The following PAPPA2 variants were observed in gnomAD, a reference collection of about 807,000 sequenced individuals.
PAPPA2 encodes the protein pappalysin 2.
Under a neutral mutation model 176.4 loss-of-function variants are expected in PAPPA2, and 86 were observed. The ratio of observed to expected loss-of-function variants is 0.49; its 90% CI spans 0.41 to 0.58. The LOEUF is 0.58. Ranked by LOEUF, PAPPA2 falls within the 20% of genes least tolerant of loss-of-function variation. The pLI is 0.00. For missense variants in PAPPA2, 2,073 were observed against 2,256.9 expected (o/e 0.92, Z 1.65); for synonymous variants, 809 against 852.2 (o/e 0.95, Z 0.88).
chr1:176,779,386 A>T (rs1000315455), intron 17 of PAPPA2, among the ~76,000 whole-genome samples: 6 of 151,614 alleles, frequency 4.0e-5, no homozygotes, highest in African/African-American at 1.2e-4. Flanking sequence ...TGATTCATAA[A>T]CTGTCTCCTG....
intron 1 of PAPPA2, chr1:176,553,523 A>C (rs1651091109): frequency 6.6e-6 from 1 of 152,028 alleles, no homozygotes; most frequent in South Asian, 2.1e-4. Context: ...GAGCTGAAGG[A>C]GAGTGGTGAG....
intron 2 of PAPPA2, among the ~76,000 whole-genome samples, chr1:176,561,903 A>G (rs1470516426): frequency 6.6e-6 from 1 of 152,210 alleles, no homozygotes; most frequent in Non-Finnish European, 1.5e-5. Context: ...AATGAGGAGG[A>G]AAGTCATGTC....
intron 2 of PAPPA2, among the ~76,000 whole-genome samples, chr1:176,557,715 C>T (rs1401380594): frequency 6.6e-6 from 1 of 152,292 alleles, no homozygotes; most frequent in Non-Finnish European, 1.5e-5. Context: ...ACACAGCCGT[C>T]AGGTCCTGCC....
chr1:176,739,822 AG>A, intron 13 of PAPPA2, 61 bp downstream of exon 13: 1 of 1,593,802 alleles, frequency 6.3e-7, no homozygotes, highest in Non-Finnish European at 8.6e-7. Flanking sequence ...CCCAGAAGTC[AG>A]CTTGATGTCT....
chr1:176,627,464 G>A (rs1656097240), intron 3 of PAPPA2, among the ~76,000 whole-genome samples: 1 of 152,122 alleles, frequency 6.6e-6, no homozygotes, highest in South Asian at 2.1e-4. Context: ...ACTAGACCTA[G>A]GTCTCTTAGT....
At position 176,595,405 on chromosome 1, in the gene PAPPA2, G is replaced by A. The variant is rs373063349; in HGVS notation, c.1801G>A (p.Glu601Lys). 4 of 1,614,190 alleles carry A rather than the reference G, an allele frequency of 2.5e-6. No individual in the cohort carries two copies. Among genetic ancestry groups the A allele is most frequent in the East Asian group, 4.5e-5 (2 of 44,870 alleles). The change falls in exon 3 of 23, where the codon GAG becomes AAG. Residue 601 changes from glutamate to lysine, a missense_variant. Glu to Lys is a moderately conservative substitution (Grantham distance 56). Transcript: ENST00000367662. ...CAATGACCATTGTGACCCCGAGTGT[G>A]AGCACCCACTCACAGGCTATGATGG... ...IGNDHCDPEC[E>K]HPLTGYDGGD...
intron 21 of PAPPA2, among the ~76,000 whole-genome samples, chr1:176,803,434 A>G (rs1313098093): frequency 6.6e-6 from 1 of 152,180 alleles, no homozygotes; most frequent in Non-Finnish European, 1.5e-5. Context: ...TAAACTGAGG[A>G]TGTGAAAAAG....
At chr1:176,789,676 TG>T in intron 17 of PAPPA2, 132 bp from the exon 18 acceptor site, 1 of 897,324 alleles carries the variant, frequency 1.1e-6, no homozygotes, top group Non-Finnish European at 1.7e-6. Context: ...CCTAGGACAG[TG>T]GGACATATGG....
chr1:176,692,539 C>G (rs1036352614), intron 6 of PAPPA2, among the ~76,000 whole-genome samples: 2 of 152,252 alleles, frequency 1.3e-5, no homozygotes, highest in South Asian at 2.1e-4. Context: ...TCACTCCCCC[C>G]TCAGGGAGGC....
chr1:176,521,651 C>A (rs574693436), intron 1 of PAPPA2, among the ~76,000 whole-genome samples: 3 of 152,124 alleles, frequency 2.0e-5, no homozygotes, highest in African/African-American at 4.8e-5. Context: ...GTTTAACTGA[C>A]GTGCAGCTTT....
chr1:176,531,137 A>G (rs1649784026), intron 1 of PAPPA2, among the ~76,000 whole-genome samples: 1 of 152,200 alleles, frequency 6.6e-6, no homozygotes, highest in Admixed American at 6.5e-5. Flanking sequence ...AGCTCTTTTG[A>G]TGTAAACAGG....
chr1:176,827,261 T>A (rs2102980175), intron 21 of PAPPA2, among the ~76,000 whole-genome samples: 1 of 152,380 alleles, frequency 6.6e-6, no homozygotes, highest in Admixed American at 6.5e-5. Context: ...ACAGCTTTTA[T>A]CATTTCTTCT....
intron 16 of PAPPA2, among the ~76,000 whole-genome samples, chr1:176,770,184 GATGAAGA>G (rs1664160770): frequency 6.6e-6 from 1 of 152,186 alleles, no homozygotes; most frequent in Non-Finnish European, 1.5e-5. Context: ...GCTGGTTAGA[GATGAAGA>G]TGGAGTGGAG....
In PAPPA2 at chr1:176,770,997, A is replaced by G. The variant is rs1321353032; in HGVS notation, c.4532A>G (p.Asp1511Gly). The G allele has an allele frequency of 1.2e-6, 2 of 1,614,108 alleles. No homozygotes were observed. The highest frequency in any genetic ancestry group is 2.2e-5 in the East Asian group (1 of 44,870). ...AGCCCATGGCTGACATGTCTTGAAG[A>G]TGGTCTCTGGTCTCTCCCTGAAGTC... ...GLSPWLTCLE[D>G]GLWSLPEVYC... The change falls in exon 17 of 23, where the codon GAT becomes GGT. Residue 1511 changes from aspartate to glycine, a missense_variant. By Grantham distance (94) the Asp-to-Gly change is moderately conservative. Transcript: ENST00000367662.
intron 19 of PAPPA2, 75 bp from the exon 20 acceptor site, chr1:176,793,485 A>G: frequency 3.9e-6 from 5 of 1,286,604 alleles, no homozygotes; most frequent in Middle Eastern, 3.8e-4. Context: ...AAAAACTCAA[A>G]GCTATTGATT....
In PAPPA2 at chr1:176,822,669, A is replaced by G. The variant is rs1027874946; in HGVS notation, c.5203-17504A>G. Among the ~76,000 whole-genome samples, 5 of 152,194 alleles carry G rather than the reference A, an allele frequency of 3.3e-5. No homozygotes were observed. The East Asian group carries it at 9.6e-4, about 29-fold the overall frequency. ...GATCTCCTACGTGTTGATTTAATCC[A>G]ATTGAAGGTCCTAACAAATGATGTA... On this transcript the variant is annotated intron_variant, in intron 21 of 22. Transcript: ENST00000367662.
At chr1:176,743,789 G>T (rs1662787682) in intron 14 of PAPPA2, among the ~76,000 whole-genome samples, 1 of 152,076 alleles carries the variant, frequency 6.6e-6, no homozygotes, top group Admixed American at 6.6e-5. Context: ...ATGGGCATGT[G>T]GTTTCTCCTA....
At chr1:176,720,453 A>G (rs1462059281) in intron 12 of PAPPA2, among the ~76,000 whole-genome samples, 1 of 152,114 alleles carries the variant, frequency 6.6e-6, no homozygotes, top group East Asian at 1.9e-4. Flanking sequence ...ATTACGTTTA[A>G]TGTAATTAAG....
chr1:176,718,909 G>A lies in PAPPA2; in HGVS notation c.3798+6928G>A, dbSNP rs57414889. 5.1e-3 allele frequency among the ~76,000 whole-genome samples: 776 copies of A among 151,958 alleles called. 6 individuals are homozygous for A. Among genetic ancestry groups the A allele is most frequent in the African/African-American group, 0.018 (753 of 41,480 alleles). On this transcript the variant is annotated intron_variant, in intron 12 of 22. Transcript: ENST00000367662. ...ATTTAAAATGTCATGTTTGTCCATT[G>A]TGTTGTTGAAATTTCCTATACTATA... is the stretch of plus-strand genomic sequence containing the variant.
Sources: allele counts gnomAD v4.1 joint callset (sites outside exome capture counted in the v4.1 genomes callset), GRCh38; gene constraint gnomAD v4.1.1; transcripts MANE v1.5; gene names NCBI Gene and HGNC (gene_info 2026-07-23, HGNC 2026-07-21).